The following FUT8 variants were observed in gnomAD, a reference collection of about 807,000 sequenced individuals.
The protein encoded by FUT8 is alpha-(1,6)-fucosyltransferase.
A neutral mutation model predicts 71.3 loss-of-function variants in FUT8; 29 were observed. The ratio of observed to expected loss-of-function variants is 0.41; its 90% CI spans 0.30 to 0.55. The LOEUF (loss-of-function observed/expected upper bound fraction) is 0.55. FUT8 is among the 20% of genes least tolerant of loss of function. The pLI is 0.34. For synonymous variants in FUT8, 254 were observed against 239.3 expected (o/e 1.06, Z -0.57); for missense variants, 544 against 702.1 (o/e 0.77, Z 2.55).
At chr14:65,523,032 TA>T (rs1883190596) in intron 2 of FUT8, among the ~76,000 whole-genome samples, 1 of 152,164 alleles carries the variant, frequency 6.6e-6, no homozygotes, top group Admixed American at 6.5e-5. Flanking sequence ...GCAATAAACG[TA>T]ACGTGTGCAT....
chr14:65,409,766 T>C (rs546662269), upstream of FUT8, among the ~76,000 whole-genome samples: 1 of 152,252 alleles, frequency 6.6e-6, no homozygotes, highest in Non-Finnish European at 1.5e-5. This position sits in a 1 kb window ranked among gnomAD's most constrained non-coding sequence, Gnocchi z 5.4. Context: ...ACCGAGGCTA[T>C]ATACAAGAAA....
At chr14:65,462,711 C>T (rs988918397) in intron 2 of FUT8, among the ~76,000 whole-genome samples, 30 of 152,122 alleles carry the variant, frequency 2.0e-4, no homozygotes, top group African/African-American at 6.5e-4. Context: ...ATATTGTGGG[C>T]ACTGAAAAAT....
chr14:65,357,716 TC>T, the FUT8 span, among the ~76,000 whole-genome samples: 1 of 152,234 alleles, frequency 6.6e-6, no homozygotes, highest in Non-Finnish European at 1.5e-5. Flanking sequence ...TGTCTGCACC[TC>T]AGTTTCTCAT....
intron 2 of FUT8, among the ~76,000 whole-genome samples, chr14:65,536,673 C>G (rs1365063159): frequency 6.6e-6 from 1 of 152,178 alleles, no homozygotes; most frequent in Non-Finnish European, 1.5e-5. Context: ...ATCTCTCTAG[C>G]TGCCTTTAAC....
At chr14:65,621,849 G>T (rs1451215572) in intron 5 of FUT8, among the ~76,000 whole-genome samples, 1 of 151,642 alleles carries the variant, frequency 6.6e-6, no homozygotes, top group African/African-American at 2.4e-5. Context: ...TTTTGAGATG[G>T]AGTCTCGCTG....
chr14:65,386,316 G>C, the FUT8 span, among the ~76,000 whole-genome samples: 2 of 151,472 alleles, frequency 1.3e-5, no homozygotes, highest in Admixed American at 6.6e-5. Flanking sequence ...TTTGAGACCA[G>C]CCTGGGAAAC....
chr14:65,490,164 T>A, intron 2 of FUT8, among the ~76,000 whole-genome samples: 1 of 152,030 alleles, frequency 6.6e-6, no homozygotes, highest in East Asian at 1.9e-4. Context: ...AAGAGGCTGT[T>A]TACTCTCCTT....
chr14:65,738,582 A>T (rs1240868379), intron 10 of FUT8, among the ~76,000 whole-genome samples: 1 of 152,062 alleles, frequency 6.6e-6, no homozygotes, highest in African/African-American at 2.4e-5. Flanking sequence ...TTTGCAAACC[A>T]TGGACTGCTC....
chr14:65,677,314 GT>G (rs991569994), intron 7 of FUT8, among the ~76,000 whole-genome samples: 11 of 152,018 alleles, frequency 7.2e-5, no homozygotes, highest in Non-Finnish European at 1.2e-4. Context: ...TCTTTCTTTT[GT>G]TTTGCTTCCC....
chr14:65,528,982 T>G (rs1883734483), intron 2 of FUT8: 2 of 155,364 alleles, frequency 1.3e-5, no homozygotes, highest in South Asian at 4.1e-4. Flanking sequence ...GTGCATGGTA[T>G]TTTAAAATAA....
intron 3 of FUT8, among the ~76,000 whole-genome samples, chr14:65,572,166 G>A (rs1886513077): frequency 1.3e-5 from 2 of 152,126 alleles, no homozygotes; most frequent in African/African-American, 2.4e-5. Flanking sequence ...TCAACTAGAT[G>A]TTGGATTGCA....
intron 1 of FUT8, among the ~76,000 whole-genome samples, chr14:65,434,267 C>A (rs1272651927): frequency 6.6e-6 from 1 of 152,166 alleles, no homozygotes; most frequent in Non-Finnish European, 1.5e-5. Context: ...TCAGAGTATT[C>A]TAGCTTCATT....
At chr14:65,454,455 A>C (rs547854610) in intron 1 of FUT8, among the ~76,000 whole-genome samples, 1 of 152,188 alleles carries the variant, frequency 6.6e-6, no homozygotes, top group Non-Finnish European at 1.5e-5. Flanking sequence ...AGCGAGACCC[A>C]GTCTCTACAA....
At chr14:65,737,552 C>T (rs556499476) in intron 10 of FUT8, among the ~76,000 whole-genome samples, 2 of 152,100 alleles carry the variant, frequency 1.3e-5, no homozygotes, top group Non-Finnish European at 2.9e-5. Context: ...AGAATAACAG[C>T]AGTTGACAGC....
chr14:65,412,711 C>T (rs1351602776), upstream of FUT8: 1 of 176,798 alleles, frequency 5.7e-6, no homozygotes, highest in Non-Finnish European at 1.2e-5. Flanking sequence ...GCCAGGAACG[C>T]CGAGGGGCGC....
chr14:65,615,167 G>A (rs1282839187), intron 3 of FUT8, among the ~76,000 whole-genome samples: 1 of 152,164 alleles, frequency 6.6e-6, no homozygotes, highest in Non-Finnish European at 1.5e-5. Context: ...CATGATCATA[G>A]TTCATTGTAA....
At chr14:65,498,497 A>G (rs914575406) in intron 2 of FUT8, among the ~76,000 whole-genome samples, 15 of 151,952 alleles carry the variant, frequency 9.9e-5, no homozygotes, top group Admixed American at 6.6e-5. Flanking sequence ...TTAAAAAGGT[A>G]TTGTATGCTT....
intron 2 of FUT8, among the ~76,000 whole-genome samples, chr14:65,511,831 C>CT (rs1594719384): frequency 6.6e-6 from 1 of 152,220 alleles, no homozygotes; most frequent in East Asian, 1.9e-4. Context: ...AATGGGTCTT[C>CT]TTTTTTTAAA....
intron 1 of FUT8, among the ~76,000 whole-genome samples, chr14:65,440,222 A>G (rs2065633288): frequency 6.6e-6 from 1 of 151,668 alleles, no homozygotes; most frequent in Admixed American, 6.6e-5. Flanking sequence ...AAATGGGGAG[A>G]TGTGGTTAAA....
Sources: allele counts gnomAD v4.1 joint callset (sites outside exome capture counted in the v4.1 genomes callset), GRCh38; gene constraint gnomAD v4.1.1; non-coding constraint Gnocchi (gnomAD v3.1); transcripts MANE v1.5; gene names NCBI Gene and HGNC (gene_info 2026-07-23, HGNC 2026-07-21).